The following GJA5 variants were observed in gnomAD, a reference collection of about 807,000 sequenced individuals.
GJA5 encodes gap junction protein alpha 5.
A neutral mutation model predicts 7.9 loss-of-function variants in GJA5; 3 were observed. The observed-to-expected ratio is 0.38, with a 90% CI of 0.17 to 0.99. The LOEUF (loss-of-function observed/expected upper bound fraction) is 0.99, where lower values mean the gene tolerates loss of function less well. Among genes scored for constraint, GJA5 ranks in the 50% least tolerant of loss-of-function variants. GJA5 has a pLI of 0.38. For missense variants in GJA5, 390 were observed against 457.9 expected (o/e 0.85, Z 1.35); for synonymous variants, 193 against 181.0 (o/e 1.07, Z -0.53).
At chr1:147,759,890 C>T (rs1476947031) in intron 1 of GJA5, among the ~76,000 whole-genome samples, 1 of 152,140 alleles carries the variant, frequency 6.6e-6, no homozygotes, top group Non-Finnish European at 1.5e-5. Context: ...TTTTTTATGG[C>T]TCCAGAGGGC....
Position 147,759,247 on chromosome 1 carries a change from A to G in GJA5, c.-9T>C. Reference sequence around the variant, plus strand: ...AAGCTCCAATCGCCCATCTTGGCACAGCCAGGGAACAGATGCCAAAACTTC... The same window carrying G: ...AAGCTCCAATCGCCCATCTTGGCACGGCCAGGGAACAGATGCCAAAACTTC... On this transcript the variant is annotated 5_prime_UTR_variant, in exon 2 of 2. Coordinates refer to ENST00000579774, the MANE Select transcript of GJA5 (RefSeq NM_181703.4). 1 of 1,591,922 alleles carries G rather than the reference A, an allele frequency of 6.3e-7. No homozygotes were observed. The highest frequency in any genetic ancestry group is 8.6e-7 in the Non-Finnish European group (1 of 1,160,188).
chr1:147,759,905 C>G (rs1248629503), intron 1 of GJA5, among the ~76,000 whole-genome samples: 1 of 152,090 alleles, frequency 6.6e-6, no homozygotes, highest in Non-Finnish European at 1.5e-5. Flanking sequence ...GAGGGCAGAA[C>G]TAGGTGGAGG....
At chr1:147,773,072 C>T (rs1664473981) in intron 1 of GJA5, among the ~76,000 whole-genome samples, 1 of 152,166 alleles carries the variant, frequency 6.6e-6, no homozygotes, top group African/African-American at 2.4e-5. Flanking sequence ...TTCGCTAAAC[C>T]TTCCTTTTTA....
upstream of GJA5, among the ~76,000 whole-genome samples, chr1:147,762,742 G>T (rs1195411516): frequency 2.0e-5 from 3 of 152,188 alleles, no homozygotes; most frequent in Non-Finnish European, 4.4e-5. Context: ...AATGTGAAAG[G>T]TCTCTGGCTG....
chr1:147,771,729 A>G (rs1664409977), intron 1 of GJA5, among the ~76,000 whole-genome samples: 1 of 152,194 alleles, frequency 6.6e-6, no homozygotes. Flanking sequence ...GTTGGAAGCC[A>G]CAGAATCCCC....
At chr1:147,761,760 C>T (rs1414989740), upstream of GJA5, among the ~76,000 whole-genome samples, 2 of 152,148 alleles carry the variant, frequency 1.3e-5, no homozygotes, top group African/African-American at 4.8e-5. Context: ...TGTTCAGCAC[C>T]TTCAGGGTCA....
rs1663769738 is a variant in GJA5 at position 147,757,131 on chromosome 1, A to G, written c.*1031T>C. 1 of 152,338 alleles carries G rather than the reference A, an allele frequency of 6.6e-6. No homozygotes were observed. Among genetic ancestry groups the G allele is most frequent in the East Asian group, 1.9e-4 (1 of 5,182 alleles). The allele number at this position is 152,338 out of a possible 1,614,324, so 9.4% of individuals were successfully genotyped here. A position where few individuals can be genotyped will look rare whatever the true frequency, so the allele number is the denominator to read the frequency against. On this transcript the variant is annotated 3_prime_UTR_variant, in exon 2 of 2. Coordinates refer to ENST00000579774, the MANE Select transcript of GJA5 (RefSeq NM_181703.4). ...TCTCCATTTTTATTTTCATCTTCAC[A>G]GCAGAATTTTTTTTTCCACAAGGGG... is the stretch of plus-strand genomic sequence containing the variant.
Position 147,758,760 on chromosome 1 carries a change from C to T in GJA5, c.479G>A (p.Arg160His), listed in dbSNP as rs782538185. Reference protein sequence around the residue: ...LNTYVCSILIRTTMEVGFIVG... With the variant: ...LNTYVCSILIHTTMEVGFIVG... Reference sequence around the variant, plus strand: ...AATGAAGCCCACCTCCATGGTGGTGCGGATCAGGATGCTGCACACATAGGT... The same window carrying T: ...AATGAAGCCCACCTCCATGGTGGTGTGGATCAGGATGCTGCACACATAGGT... Residue 160 changes from arginine to histidine, a missense_variant, in exon 2 of 2, where the codon CGC becomes CAC. Arg to His is a conservative substitution (Grantham distance 29, BLOSUM62 0). Coordinates refer to ENST00000579774, the MANE Select transcript of GJA5 (RefSeq NM_181703.4). 2.5e-6 allele frequency: 4 copies of T among 1,614,010 alleles called. No homozygotes were observed. Among genetic ancestry groups the T allele is most frequent in the South Asian group, 1.1e-5 (1 of 91,080 alleles).
intron 1 of GJA5, among the ~76,000 whole-genome samples, chr1:147,766,668 A>G (rs782740011): frequency 3.3e-5 from 5 of 152,170 alleles, no homozygotes; most frequent in Admixed American, 6.5e-5. Context: ...AACTTATCCA[A>G]GCTTGTCAAA....
chr1:147,770,288 G>A (rs1281351131), intron 1 of GJA5, among the ~76,000 whole-genome samples: 1 of 152,188 alleles, frequency 6.6e-6, no homozygotes, highest in African/African-American at 2.4e-5. Flanking sequence ...TGAAACAAAA[G>A]TGTAGAGGCT....
At chr1:147,766,108 C>T (rs913592343) in intron 1 of GJA5, among the ~76,000 whole-genome samples, 1 of 152,124 alleles carries the variant, frequency 6.6e-6, no homozygotes, top group African/African-American at 2.4e-5. Context: ...TTGGGCTGAA[C>T]TGTAAAGCCT....
In GJA5 at chr1:147,758,297, C is replaced by G; in HGVS notation, c.942G>C (p.Gln314His). The G allele has an allele frequency of 4.3e-6, 7 of 1,614,160 alleles. No homozygotes were observed. The highest frequency in any genetic ancestry group is 5.9e-6 in the Non-Finnish European group (7 of 1,180,010). Residue 314 changes from glutamine to histidine, a missense_variant, in exon 2 of 2, where the codon CAG becomes CAC. Gln to His is a conservative substitution (Grantham distance 24). Transcript: ENST00000579774. ...CCTCAGGCTTCTGGCCATAACGAAC[C>G]TGGATGAAACCTTCCCCAGGAGTCT... ...QEQTPGEGFIQVRYGQKPEVP... is the reference protein window; with the variant it reads ...QEQTPGEGFIHVRYGQKPEVP...
rs1367020712 is a variant in GJA5 at position 147,772,619 on chromosome 1, C to G, written c.-34+633G>C. ...CTTCACACCACAAGTGGAAAGGAGA[C>G]CTTCAGTGGGTGCTTTCCTGGCCTT... On this transcript the variant is annotated intron_variant, in intron 1 of 1. Transcript: ENST00000430508. 2.0e-5 allele frequency among the ~76,000 whole-genome samples: 3 copies of G among 152,094 alleles called. No individual in the cohort carries two copies. The East Asian group carries it at 5.8e-4, about 29-fold the overall frequency.
rs782700948 is a variant in GJA5, at chr1:147,758,467, C to CT, written c.771dup (p.Val258SerfsTer11). The CT allele has an allele frequency of 1.9e-6, 3 of 1,614,202 alleles. No homozygotes were observed. The stretch of plus-strand genomic sequence containing the variant: ...TCGGGGGGTGGTGTGCAGCTCTGGA[C>CT]TATGCCCACAGAGGGGCCAGAAAGC... On this transcript the variant is annotated frameshift_variant, in exon 2 of 2. Coordinates refer to ENST00000579774, the MANE Select transcript of GJA5 (RefSeq NM_181703.4). LOFTEE classifies it low-confidence loss of function (END_TRUNC).
Position 147,756,752 on chromosome 1 carries a change from C to T in GJA5, c.*1410G>A, listed in dbSNP as rs1663752912. The T allele has an allele frequency of 6.6e-6, 1 of 152,268 alleles. No homozygotes were observed. 9.4% of individuals were successfully genotyped at this position (152,268 alleles called of 1,614,324 possible). ...ATAATGTAATAATCCCTCTATAAGT[C>T]TCAGTTTCCAATTCCAAGCATCGTT... On this transcript the variant is annotated 3_prime_UTR_variant, in exon 2 of 2. Coordinates refer to ENST00000579774, the MANE Select transcript of GJA5 (RefSeq NM_181703.4).
intron 1 of GJA5, among the ~76,000 whole-genome samples, chr1:147,770,968 G>A (rs1553228973): frequency 6.6e-6 from 1 of 152,136 alleles, no homozygotes; most frequent in Non-Finnish European, 1.5e-5. Flanking sequence ...TTGAGCCCAG[G>A]TTGGTGCTTA....
upstream of GJA5, among the ~76,000 whole-genome samples, chr1:147,762,122 G>A (rs587767018): frequency 6.6e-5 from 10 of 152,248 alleles, no homozygotes; most frequent in South Asian, 8.3e-4. Context: ...GCCATTACTA[G>A]CAACAAGAGC....
chr1:147,763,203 T>C (rs1274712661), upstream of GJA5, among the ~76,000 whole-genome samples: 1 of 152,246 alleles, frequency 6.6e-6, no homozygotes, highest in Non-Finnish European at 1.5e-5. Flanking sequence ...AAAATTCATT[T>C]AATACGTTTA....
At chr1:147,759,354 C>T (rs1663897560) in intron 1 of GJA5, 83 bp from the exon 2 acceptor site, 1 of 803,766 alleles carries the variant, frequency 1.2e-6, no homozygotes, top group East Asian at 2.5e-5. Context: ...TCTGGGATTC[C>T]ACTGATCCAT....
Sources: allele counts gnomAD v4.1 joint callset (sites outside exome capture counted in the v4.1 genomes callset), GRCh38; gene constraint gnomAD v4.1.1; transcripts MANE v1.5; gene names NCBI Gene and HGNC (gene_info 2026-07-23, HGNC 2026-07-21).